The following DLGAP2 variants were observed in gnomAD, a reference collection of about 807,000 sequenced individuals.
DLGAP2 encodes disks large-associated protein 2.
DLGAP2 carries 26 observed loss-of-function variants against 100.3 expected under a neutral mutation model. That is an observed-to-expected ratio of 0.26 (90% CI 0.19 to 0.36). The LOEUF is 0.36. Ranked by LOEUF, DLGAP2 falls within the 10% of genes least tolerant of loss-of-function variation. DLGAP2 has a pLI of 1.00. For synonymous variants in DLGAP2, 886 were observed against 630.1 expected (o/e 1.41, Z -6.08); for missense variants, 1,858 against 1,453.2 (o/e 1.28, Z -4.53).
chr8:1,513,085 C>G (rs554349504), intron 4 of DLGAP2, among the ~76,000 whole-genome samples: 1 of 151,440 alleles, frequency 6.6e-6, no homozygotes, highest in Non-Finnish European at 1.5e-5. Context: ...TCTGCCTTTC[C>G]CAGTGCAGGG....
At chr8:798,248 A>G (rs1391431253) in intron 1 of DLGAP2, among the ~76,000 whole-genome samples, 5 of 149,024 alleles carry the variant, frequency 3.4e-5, no homozygotes, top group Admixed American at 3.3e-4. Flanking sequence ...TGGCACTGAA[A>G]GCAAACTCTT....
At chr8:1,652,602 G>A (rs1798192705) in intron 8 of DLGAP2, among the ~76,000 whole-genome samples, 2 of 152,240 alleles carry the variant, frequency 1.3e-5, no homozygotes, top group East Asian at 1.9e-4. Flanking sequence ...TCAGGTCAAC[G>A]ACACCTAGGA....
chr8:1,199,370 A>G (rs1797820453), intron 2 of DLGAP2, among the ~76,000 whole-genome samples: 1 of 152,168 alleles, frequency 6.6e-6, no homozygotes, highest in Non-Finnish European at 1.5e-5. Flanking sequence ...TTTTTTGCAT[A>G]CTTAGTAGAA....
intron 3 of DLGAP2, among the ~76,000 whole-genome samples, chr8:1,425,580 G>A (rs1309464410): frequency 1.3e-5 from 2 of 152,196 alleles, no homozygotes. Flanking sequence ...TGGAGCAGAT[G>A]TGGACCTCTC....
intron 3 of DLGAP2, among the ~76,000 whole-genome samples, chr8:1,318,967 A>T (rs1800832677): frequency 6.6e-6 from 1 of 152,122 alleles, no homozygotes; most frequent in African/African-American, 2.4e-5. Flanking sequence ...TGAGATGGGA[A>T]TCGACATAGT....
At chr8:1,278,204 G>A (rs949157032) in intron 3 of DLGAP2, among the ~76,000 whole-genome samples, 4 of 152,108 alleles carry the variant, frequency 2.6e-5, no homozygotes, top group African/African-American at 7.2e-5. Context: ...TGTATGCGTC[G>A]GACAAGCCAC....
At chr8:1,205,409 C>G (rs113160848) in intron 2 of DLGAP2, among the ~76,000 whole-genome samples, 1 of 151,118 alleles carries the variant, frequency 6.6e-6, no homozygotes, top group Non-Finnish European at 1.5e-5. Flanking sequence ...AATCACATGA[C>G]GTCTCAGCCG....
intron 3 of DLGAP2, among the ~76,000 whole-genome samples, chr8:1,483,738 A>G (rs371955268): frequency 0.05 from 379 of 7,594 alleles, 3 homozygotes; most frequent in African/African-American, 0.091. Context: ...GCAGGTGCAG[A>G]ATGTGGGGAC....
intron 2 of DLGAP2, among the ~76,000 whole-genome samples, chr8:1,241,695 A>G (rs184201433): frequency 1.3e-5 from 2 of 152,204 alleles, no homozygotes; most frequent in Admixed American, 1.3e-4. Flanking sequence ...TTAATTTTTC[A>G]GGGCAAGTGT....
intron 1 of DLGAP2, among the ~76,000 whole-genome samples, chr8:824,398 G>T (rs1253552872): frequency 6.6e-6 from 1 of 152,124 alleles, no homozygotes; most frequent in Non-Finnish European, 1.5e-5. Flanking sequence ...TCTTTCTCTG[G>T]TTCAGCACAG....
chr8:1,076,582 C>G (rs547718089), intron 2 of DLGAP2, among the ~76,000 whole-genome samples: 2 of 152,350 alleles, frequency 1.3e-5, no homozygotes, highest in African/African-American at 4.8e-5. Context: ...CTTGAGCCGC[C>G]TTCCGTTTTC....
chr8:1,446,984 G>C (rs1244403682), intron 3 of DLGAP2, among the ~76,000 whole-genome samples: 1 of 152,180 alleles, frequency 6.6e-6, no homozygotes, highest in Non-Finnish European at 1.5e-5. Flanking sequence ...AGCTTAAGGA[G>C]ATTTTGGGCT....
chr8:1,245,547 A>G (rs1202580949), intron 2 of DLGAP2, among the ~76,000 whole-genome samples: 1 of 152,192 alleles, frequency 6.6e-6, no homozygotes, highest in Non-Finnish European at 1.5e-5. Flanking sequence ...GCAAATCTAT[A>G]TAGAAAGTAC....
intron 2 of DLGAP2, among the ~76,000 whole-genome samples, chr8:995,748 T>G (rs1403655128): frequency 1.3e-5 from 2 of 152,208 alleles, no homozygotes; most frequent in Non-Finnish European, 2.9e-5. Flanking sequence ...AGTTTGAATC[T>G]TATTTATGAA....
chr8:1,326,819 C>T (rs964163228), intron 3 of DLGAP2, among the ~76,000 whole-genome samples: 6 of 152,218 alleles, frequency 3.9e-5, no homozygotes, highest in African/African-American at 1.2e-4. Context: ...CTGATTTATC[C>T]CATTTTCACA....
chr8:1,287,229 G>A (rs587653221), intron 3 of DLGAP2, among the ~76,000 whole-genome samples: 21 of 125,658 alleles, frequency 1.7e-4, no homozygotes, highest in Admixed American at 1.4e-3. Context: ...GTGTGTGTAT[G>A]TGGTTTTGTT....
intron 2 of DLGAP2, among the ~76,000 whole-genome samples, chr8:1,234,722 C>G (rs1798606805): frequency 6.6e-6 from 1 of 152,148 alleles, no homozygotes; most frequent in Non-Finnish European, 1.5e-5. Flanking sequence ...GATTCTGTTG[C>G]ACGTCACACC....
intron 4 of DLGAP2, among the ~76,000 whole-genome samples, chr8:1,501,976 T>C (rs1294162526): frequency 6.6e-6 from 1 of 152,238 alleles, no homozygotes; most frequent in African/African-American, 2.4e-5. Flanking sequence ...GCAAAGCTGG[T>C]GCCATATTTG....
chr8:1,266,615 T>A (rs1263938980), intron 3 of DLGAP2, among the ~76,000 whole-genome samples: 1 of 152,168 alleles, frequency 6.6e-6, no homozygotes, highest in South Asian at 2.1e-4. Context: ...TAACCACATA[T>A]GAAATATGCA....
Sources: allele counts gnomAD v4.1 joint callset (sites outside exome capture counted in the v4.1 genomes callset), GRCh38; gene constraint gnomAD v4.1.1; transcripts MANE v1.5; gene names NCBI Gene and HGNC (gene_info 2026-07-23, HGNC 2026-07-21).